CCDC57: variants seen among roughly 807,000 people sequenced by gnomAD.
CCDC57 encodes coiled-coil domain containing 57.
A neutral mutation model predicts 118.9 loss-of-function variants in CCDC57; 118 were observed. The ratio of observed to expected loss-of-function variants is 0.99; its 90% CI spans 0.86 to 1.16. The LOEUF (loss-of-function observed/expected upper bound fraction) is 1.16, where lower values mean the gene tolerates loss of function less well. Ranked by LOEUF, CCDC57 falls within the 50% of genes most tolerant of loss-of-function variation. The pLI is 0.00. For missense variants in CCDC57, 1,300 were observed against 1,320.7 expected (o/e 0.98, Z 0.24); for synonymous variants, 527 against 532.9 (o/e 0.99, Z 0.15).
At chr17:82,164,273 C>T (rs182095326) in intron 13 of CCDC57, among the ~76,000 whole-genome samples, 3 of 151,082 alleles carry the variant, frequency 2.0e-5, no homozygotes, top group Non-Finnish European at 3.0e-5. Context: ...CTCAACTACT[C>T]GGGAGGCTGA....
chr17:82,135,347 C>A (rs1254352020), intron 16 of CCDC57: 2 of 152,170 alleles, frequency 1.3e-5, no homozygotes, highest in Non-Finnish European at 2.9e-5. Flanking sequence ...GGTGATCTGC[C>A]CGCCTTGGCC....
rs886202436 is a variant in CCDC57 at position 82,167,343 on chromosome 17, G to C, written c.1883-3986C>G. ...CATAATGAAATTTCTGAAAACTAAA[G>C]ACAAAAATTCTTTTTTTTTTTTTTG... is the stretch of plus-strand genomic sequence containing the variant. On this transcript the variant is annotated intron_variant, in intron 13 of 19. Coordinates refer to ENST00000665763, the Ensembl canonical transcript of CCDC57. 2.0e-5 allele frequency among the ~76,000 whole-genome samples: 3 copies of C among 150,588 alleles called. No individual in the cohort carries two copies. The East Asian group carries it at 5.9e-4, about 29-fold the overall frequency.
intron 12 of CCDC57, 78 bp from the exon 12 acceptor site, chr17:82,171,931 G>A: frequency 6.7e-7 from 1 of 1,494,478 alleles, no homozygotes. Flanking sequence ...ACCAGCTCAG[G>A]GAGCCGATGC....
intron 16 of CCDC57, among the ~76,000 whole-genome samples, chr17:82,135,959 T>A (rs954584623): frequency 1.3e-5 from 2 of 152,052 alleles, no homozygotes; most frequent in Admixed American, 1.3e-4. Flanking sequence ...AATAAAAGTA[T>A]TCTTAATTAA....
intron 1 of CCDC57, among the ~76,000 whole-genome samples, chr17:82,208,707 T>TAA (rs1568509444): frequency 2.0e-5 from 3 of 151,998 alleles, no homozygotes; most frequent in African/African-American, 7.3e-5. Flanking sequence ...ATTTTTTTTT[T>TAA]AAATTTCTTG....
chr17:82,101,656 T>A lies in CCDC57; in HGVS notation c.*26A>T, dbSNP rs142239773. Reference sequence around the variant, plus strand: ...CCATGCGGAGGCCCCGAGCACCCCTTAGTGGGGCGGGGTGGGGGGAGGAAG... The same window carrying A: ...CCATGCGGAGGCCCCGAGCACCCCTAAGTGGGGCGGGGTGGGGGGAGGAAG... On this transcript the variant is annotated 3_prime_UTR_variant, in exon 20 of 20. Coordinates refer to ENST00000665763, the Ensembl canonical transcript of CCDC57. The A allele has an allele frequency of 1.9e-6, 3 of 1,547,118 alleles. No individual in the cohort carries two copies. In the East Asian group the frequency reaches 6.8e-5, roughly 35 times the overall value.
chr17:82,171,430 G>A (rs565913671), intron 13 of CCDC57, among the ~76,000 whole-genome samples: 285 of 144,676 alleles, frequency 2.0e-3, no homozygotes, highest in African/African-American at 7.1e-3. Context: ...CACCAAAACA[G>A]GGAACGCTGA....
At chr17:82,185,541 C>T (rs1222298677) in intron 8 of CCDC57, among the ~76,000 whole-genome samples, 1 of 151,820 alleles carries the variant, frequency 6.6e-6, no homozygotes, top group Non-Finnish European at 1.5e-5. Context: ...ATCACCTGAG[C>T]CCAGGAGGTG....
chr17:82,194,180 AGAAGACACTG>A (rs753199649), intron 5 of CCDC57, 41 bp from the exon 5 acceptor site: 43 of 1,590,266 alleles, frequency 2.7e-5, no homozygotes, highest in Non-Finnish European at 3.4e-5. Context: ...GGTGATAATT[AGAAGACACTG>A]AGGCATTAGG....
intron 17 of CCDC57, among the ~76,000 whole-genome samples, chr17:82,133,586 C>T (rs1042993559): frequency 6.4e-4 from 97 of 151,034 alleles, no homozygotes; most frequent in African/African-American, 2.3e-3. Flanking sequence ...GGGGGCTGGG[C>T]GCGGTGGTTC....
At chr17:82,137,225 C>A (rs2039333565) in intron 16 of CCDC57, among the ~76,000 whole-genome samples, 1 of 152,044 alleles carries the variant, frequency 6.6e-6, no homozygotes, top group South Asian at 2.1e-4. Flanking sequence ...ACCGTGTTGG[C>A]CAGGCTGGTC....
intron 19 of CCDC57, among the ~76,000 whole-genome samples, chr17:82,107,807 C>CA (rs2034971230): frequency 1.3e-5 from 2 of 152,200 alleles, no homozygotes; most frequent in Non-Finnish European, 2.9e-5. Flanking sequence ...CAGCCGCCGG[C>CA]CCTCCTGCCT....
At chr17:82,129,691 T>TCC (rs1447990078) in intron 17 of CCDC57, among the ~76,000 whole-genome samples, 6 of 152,208 alleles carry the variant, frequency 3.9e-5, no homozygotes, top group African/African-American at 1.2e-4. Flanking sequence ...GATTTGTCTT[T>TCC]TTCTTATTGA....
rs879202963 is a variant in CCDC57, at chr17:82,201,519, G to A, written c.407+19C>T. On this transcript the variant is annotated intron_variant, in intron 3 of 19. Transcript: ENST00000665763. The stretch of plus-strand genomic sequence containing the variant: ...TCTGCCAGGCACTGCACAGGAGGGC[G>A]CGTCGGTCGGTGGCTCACCTGTGGA... 26 of 1,571,422 alleles carry A rather than the reference G, an allele frequency of 1.7e-5. No individual in the cohort carries two copies. The highest frequency in any genetic ancestry group is 2.3e-5 in the East Asian group (1 of 43,156).
intron 19 of CCDC57, 124 bp downstream of exon 18, chr17:82,127,568 C>G: frequency 2.8e-6 from 4 of 1,451,764 alleles, no homozygotes; most frequent in Non-Finnish European, 3.6e-6. Flanking sequence ...ATTACTCAAC[C>G]AAAGTGCAGG....
Position 82,151,397 on chromosome 17 carries a change from C to A in CCDC57, c.2455+163G>T, listed in dbSNP as rs200436973. Among the ~76,000 whole-genome samples, 37 of 115,120 alleles carry A rather than the reference C, an allele frequency of 3.2e-4. 1 individual carries two copies. The highest frequency in any genetic ancestry group is 8.5e-4 in the African/African-American group (26 of 30,706). The allele number at this position is 115,120 out of a possible 152,430, so 75.5% of individuals were successfully genotyped here. A position where few individuals can be genotyped will look rare whatever the true frequency, so the allele number is the denominator to read the frequency against. ...ACCTGGCACACACCCAGAACCTGAC[C>A]CACACCCAGAACCTGGCGCACCCCC... On this transcript the variant is annotated intron_variant, in intron 16 of 19. Transcript: ENST00000665763.
chr17:82,161,437 A>T (rs1422794949), intron 14 of CCDC57, among the ~76,000 whole-genome samples: 1 of 152,234 alleles, frequency 6.6e-6, no homozygotes, highest in Non-Finnish European at 1.5e-5. Flanking sequence ...GCATAAGTCC[A>T]CACAGGAACT....
At chr17:82,102,323 C>A (rs2034507707) in intron 19 of CCDC57, among the ~76,000 whole-genome samples, 1 of 152,234 alleles carries the variant, frequency 6.6e-6, no homozygotes, top group South Asian at 2.1e-4. Context: ...GATGGGCCAG[C>A]AGTGCCAGGC....
intron 8 of CCDC57, 88 bp downstream of exon 7, chr17:82,188,131 C>T: frequency 2.6e-6 from 3 of 1,159,164 alleles, no homozygotes; most frequent in Middle Eastern, 3.0e-4. Flanking sequence ...GGCCCCCTTT[C>T]CTGTGGTCTG....
Sources: gnomAD v4.1 joint callset for allele counts (sites outside exome capture counted in the v4.1 genomes callset) on GRCh38, gnomAD v4.1.1 for gene constraint, MANE v1.5 for transcripts, NCBI Gene and HGNC (gene_info 2026-07-23, HGNC 2026-07-21) for gene names.